WBP4: variants seen among roughly 807,000 people sequenced by gnomAD.
The protein encoded by WBP4 is WW domain-binding protein 4.
Under a neutral mutation model 55.4 loss-of-function variants are expected in WBP4, and 37 were observed. That is an observed-to-expected ratio of 0.67 (90% CI 0.51 to 0.88). WBP4 has a LOEUF of 0.88. WBP4 is among the 40% of genes least tolerant of loss of function. WBP4 has a pLI of 0.00. For synonymous variants in WBP4, 142 were observed against 140.2 expected, an observed-to-expected ratio of 1.01 and a Z score of -0.09; for missense variants, 398 against 420.8, an observed-to-expected ratio of 0.95 and a Z score of 0.47.
intron 9 of WBP4, among the ~76,000 whole-genome samples, chr13:41,081,018 GAAA>G (rs1878751704): frequency 6.6e-6 from 1 of 151,762 alleles, no homozygotes; most frequent in Admixed American, 6.6e-5. Context: ...CCAACATGGT[GAAA>G]CCCTGTCTCT....
At chr13:41,065,104 T>C (rs1226219463) in intron 3 of WBP4, 26 bp downstream of exon 3, 4 of 1,600,276 alleles carry the variant, frequency 2.5e-6, no homozygotes, top group South Asian at 1.1e-5. Flanking sequence ...TATTTGCTAA[T>C]TTTTCTATGC....
intron 9 of WBP4, among the ~76,000 whole-genome samples, chr13:41,081,875 A>G (rs1878794551): frequency 6.6e-6 from 1 of 152,218 alleles, no homozygotes; most frequent in South Asian, 2.1e-4. Context: ...AAATAGGATG[A>G]TGTGTGTTTT....
intron 4 of WBP4, among the ~76,000 whole-genome samples, chr13:41,067,280 G>A (rs78821772): frequency 0.084 from 12,778 of 152,216 alleles, 765 homozygotes; most frequent in Non-Finnish European, 0.14. Context: ...TCAAAGCAAT[G>A]TAAATACCTG....
chr13:41,063,747 G>A (rs1877816977), intron 2 of WBP4, among the ~76,000 whole-genome samples: 1 of 151,996 alleles, frequency 6.6e-6, no homozygotes, highest in African/African-American at 2.4e-5. Context: ...AATTTTGAAT[G>A]GTCCTTTAAT....
At chr13:41,062,096 G>GGTT (rs1877683549) in intron 1 of WBP4, 1 of 625,016 alleles carries the variant, frequency 1.6e-6, no homozygotes, top group Non-Finnish European at 1.8e-6. Flanking sequence ...TAGCGTAATG[G>GGTT]TTTTTTTTTT....
At chr13:41,079,668 A>C (rs1047236646) in intron 8 of WBP4, among the ~76,000 whole-genome samples, 2 of 152,224 alleles carry the variant, frequency 1.3e-5, no homozygotes, top group African/African-American at 2.4e-5. Context: ...TTCTCAGAGA[A>C]CTAAAAGCAG....
intron 7 of WBP4, 135 bp from the exon 8 acceptor site, chr13:41,075,909 T>C (rs567900097): frequency 1.4e-4 from 139 of 974,976 alleles, no homozygotes; most frequent in Non-Finnish European, 1.9e-4. Flanking sequence ...AACTCTGTTA[T>C]CTTCTTGATC....
intron 8 of WBP4, among the ~76,000 whole-genome samples, chr13:41,078,555 T>C (rs1308373375): frequency 1.3e-5 from 2 of 152,144 alleles, no homozygotes; most frequent in Non-Finnish European, 2.9e-5. Context: ...AGGCCAGGCA[T>C]GGTGGCTCAC....
chr13:41,074,480 A>G (rs1372444398), intron 7 of WBP4, among the ~76,000 whole-genome samples: 2 of 152,188 alleles, frequency 1.3e-5, no homozygotes, highest in Admixed American at 6.5e-5. Flanking sequence ...TGGGATTTTT[A>G]TACATATAAA....
intron 4 of WBP4, among the ~76,000 whole-genome samples, chr13:41,068,012 A>T (rs967626438): frequency 6.6e-5 from 10 of 151,900 alleles, no homozygotes; most frequent in African/African-American, 2.4e-4. Flanking sequence ...TAATCTAAAA[A>T]CTTTCTTTTT....
At chr13:41,066,781 T>C (rs1300241135) in intron 4 of WBP4, among the ~76,000 whole-genome samples, 2 of 130,790 alleles carry the variant, frequency 1.5e-5, no homozygotes, top group African/African-American at 4.9e-5. Context: ...TAAGCATCTT[T>C]ATGCATGTAT....
intron 1 of WBP4, 126 bp downstream of exon 1, chr13:41,061,801 G>T (rs1353831008): frequency 4.7e-6 from 7 of 1,476,420 alleles, no homozygotes; most frequent in South Asian, 1.2e-5. Flanking sequence ...TTCTTAACTC[G>T]CTCGGGACCG....
At chr13:41,079,112 C>A (rs767038421) in intron 8 of WBP4, among the ~76,000 whole-genome samples, 6 of 152,250 alleles carry the variant, frequency 3.9e-5, no homozygotes, top group African/African-American at 9.6e-5. Flanking sequence ...AAGAAAAAAA[C>A]AACTCCATTG....
At chr13:41,073,736 G>A (rs575645988) in intron 7 of WBP4, among the ~76,000 whole-genome samples, 116 of 152,094 alleles carry the variant, frequency 7.6e-4, no homozygotes, top group African/African-American at 2.6e-3. Context: ...GAACCCAGGA[G>A]GTAGAGGTTG....
In WBP4 at chr13:41,065,289, TAAAAAAA is replaced by T. The variant is rs58699334; in HGVS notation, c.262+17_262+23del. ...TGAAAAGACTTGGCTTAGAGTCAGG[TAAAAAAA>T]AAAAAAAAAAAAAAGCAGCCAGCAT... On this transcript the variant is annotated splice_donor_5th_base_variant and intron_variant, in intron 4 of 9. Transcript: ENST00000379487. 123 of 1,262,222 alleles carry T rather than the reference TAAAAAAA, an allele frequency of 9.7e-5. No individual in the cohort carries two copies. Among genetic ancestry groups the T allele is most frequent in the Admixed American group, 4.3e-4 (10 of 23,080 alleles). 78.2% of individuals were successfully genotyped at this position (1,262,222 alleles called of 1,614,324 possible). A position where few individuals can be genotyped will look rare whatever the true frequency, so the allele number is the denominator to read the frequency against.
intron 4 of WBP4, 128 bp downstream of exon 4, chr13:41,065,415 T>C: frequency 7.7e-7 from 1 of 1,305,690 alleles, no homozygotes; most frequent in Admixed American, 3.0e-5. Flanking sequence ...GCTTTTATTA[T>C]GCATCATAGC....
chr13:41,079,541 CAAA>C (rs35433682), intron 8 of WBP4, among the ~76,000 whole-genome samples: 23 of 101,660 alleles, frequency 2.3e-4, no homozygotes, highest in East Asian at 2.0e-3. Context: ...GACTCCGTCT[CAAA>C]AAAAAAAAAA....
chr13:41,064,921 T>G (rs1425025326), intron 2 of WBP4, 95 bp from the exon 3 acceptor site: 1 of 1,174,374 alleles, frequency 8.5e-7, no homozygotes, highest in African/African-American at 1.6e-5. Context: ...CATTTTAATT[T>G]TAATTTTCTC....
At position 41,083,778 on chromosome 13, in the gene WBP4, GTTTAC is replaced by G. The variant is rs755708032; in HGVS notation, c.*867_*871del. On this transcript the variant is annotated 3_prime_UTR_variant, in exon 10 of 10. Coordinates refer to ENST00000379487, the MANE Select transcript of WBP4 (RefSeq NM_007187.5). ...TCCAGCTTCAGTAAAAGTTTTTAGTGTTTACTTAAATTAGTAATTTCTCACTTTCT... is the reference window on the plus strand; with the variant it reads ...TCCAGCTTCAGTAAAAGTTTTTAGTGTTAAATTAGTAATTTCTCACTTTCT... 16 of 152,226 alleles carry G rather than the reference GTTTAC, an allele frequency of 1.1e-4. No homozygotes were observed. Among genetic ancestry groups the G allele is most frequent in the South Asian group, 1.0e-3 (5 of 4,828 alleles). The allele number at this position is 152,226 out of a possible 1,614,324, so 9.4% of individuals were successfully genotyped here.
Sources: allele counts gnomAD v4.1 joint callset (sites outside exome capture counted in the v4.1 genomes callset), GRCh38; gene constraint gnomAD v4.1.1; transcripts MANE v1.5; gene names NCBI Gene and HGNC (gene_info 2026-07-23, HGNC 2026-07-21).